The following TBC1D4 variants were observed in gnomAD, a reference collection of about 807,000 sequenced individuals.
The protein encoded by TBC1D4 is TBC1 domain family member 4, also known as TBC (Tre-2, BUB2, CDC16) domain-containing protein.
In TBC1D4, 121 loss-of-function variants were observed where a neutral mutation model predicts 142.5. The observed-to-expected ratio is 0.85, with a 90% CI of 0.73 to 0.99. The LOEUF (loss-of-function observed/expected upper bound fraction) is 0.99, where lower values mean the gene tolerates loss of function less well. Among genes scored for constraint, TBC1D4 ranks in the 50% least tolerant of loss-of-function variants. The pLI, the probability that TBC1D4 is intolerant of heterozygous loss-of-function variation, is 0.00. For synonymous variants in TBC1D4, 630 were observed against 628.2 expected (o/e 1.00, Z -0.04); for missense variants, 1,475 against 1,606.6 (o/e 0.92, Z 1.40).
chr13:75,394,879 A>G (rs1026562387), intron 1 of TBC1D4, among the ~76,000 whole-genome samples: 1 of 152,242 alleles, frequency 6.6e-6, no homozygotes, highest in African/African-American at 2.4e-5. Flanking sequence ...TCATTCAACA[A>G]ACATTTATTG....
chr13:75,361,262 C>T (rs1189925429), intron 2 of TBC1D4, among the ~76,000 whole-genome samples: 2 of 152,098 alleles, frequency 1.3e-5, no homozygotes. Flanking sequence ...GGTGTGTCCT[C>T]GACTCAAAAT....
intron 1 of TBC1D4, among the ~76,000 whole-genome samples, chr13:75,414,369 T>C (rs1885821847): frequency 1.3e-5 from 2 of 152,198 alleles, no homozygotes; most frequent in Admixed American, 1.3e-4. Context: ...GTGAACTGCC[T>C]ACAAAGTCAG....
intron 8 of TBC1D4, among the ~76,000 whole-genome samples, chr13:75,333,318 G>A (rs1879913315): frequency 6.6e-6 from 1 of 152,146 alleles, no homozygotes; most frequent in South Asian, 2.1e-4. Context: ...CCTTATTGAT[G>A]ACTGTACAAT....
chr13:75,321,128 T>A (rs535806984), intron 11 of TBC1D4, among the ~76,000 whole-genome samples: 56 of 152,182 alleles, frequency 3.7e-4, no homozygotes, highest in African/African-American at 1.2e-3. Context: ...AGATTCATTT[T>A]ATGCAACTAA....
At chr13:75,368,959 G>T (rs1044109038) in intron 1 of TBC1D4, among the ~76,000 whole-genome samples, 2 of 152,100 alleles carry the variant, frequency 1.3e-5, no homozygotes, top group African/African-American at 4.8e-5. Context: ...CAGGAGAACC[G>T]CTTGAGCCTG....
intron 7 of TBC1D4, among the ~76,000 whole-genome samples, chr13:75,337,926 T>G (rs1880362198): frequency 6.6e-6 from 1 of 152,126 alleles, no homozygotes; most frequent in Non-Finnish European, 1.5e-5. Flanking sequence ...TGGCAAAAAC[T>G]GCAATTACTT....
At chr13:75,418,800 G>GT (rs1886034363) in intron 1 of TBC1D4, among the ~76,000 whole-genome samples, 1 of 152,134 alleles carries the variant, frequency 6.6e-6, no homozygotes, top group South Asian at 2.1e-4. Context: ...CAAGTGCTAT[G>GT]TTTGAATTAC....
intron 14 of TBC1D4, among the ~76,000 whole-genome samples, chr13:75,307,128 T>C (rs1877264418): frequency 6.6e-6 from 1 of 152,078 alleles, no homozygotes; most frequent in Admixed American, 6.6e-5. Flanking sequence ...CTTGGCTAAT[T>C]TGACAAACTT....
chr13:75,394,383 G>A (rs1884665640), intron 1 of TBC1D4, among the ~76,000 whole-genome samples: 1 of 152,114 alleles, frequency 6.6e-6, no homozygotes, highest in Non-Finnish European at 1.5e-5. Flanking sequence ...CATAACCGTT[G>A]TGAAGTCTAA....
rs1380532393 is a variant in TBC1D4, at chr13:75,326,356, G to A, written c.1874C>T (p.Thr625Met). 2.3e-5 allele frequency: 37 copies of A among 1,614,006 alleles called. 1 individual carries two copies. Among genetic ancestry groups the A allele is most frequent in the Non-Finnish European group, 2.9e-5 (34 of 1,180,032 alleles). Residue 625 changes from threonine (T) to methionine (M), a missense_variant, in exon 10 of 21, where the codon ACG (threonine) becomes ATG (methionine). By Grantham distance (81) the Thr-to-Met change is moderately conservative. Coordinates refer to ENST00000377636, the MANE Select transcript of TBC1D4 (RefSeq NM_014832.5). ...PASPPSSAWQ[T>M]FPEEDSDSPQ... The stretch of plus-strand genomic sequence containing the variant: ...GGAGTCGGAATCCTCTTCGGGAAAC[G>A]TTTGCCAAGCTGAGGACGGTGGGGA...
chr13:75,315,094 G>A (rs1005812727), intron 12 of TBC1D4, among the ~76,000 whole-genome samples: 11 of 151,880 alleles, frequency 7.2e-5, no homozygotes, highest in Admixed American at 3.3e-4. Flanking sequence ...ATCACTTGAG[G>A]TCAAGAGTTT....
At chr13:75,421,217 A>G (rs1886153412) in intron 1 of TBC1D4, among the ~76,000 whole-genome samples, 1 of 152,216 alleles carries the variant, frequency 6.6e-6, no homozygotes, top group African/African-American at 2.4e-5. Context: ...ATGATGCCTC[A>G]GAACAGTGAC....
chr13:75,347,220 T>G (rs991753184), intron 5 of TBC1D4, among the ~76,000 whole-genome samples: 1 of 152,214 alleles, frequency 6.6e-6, no homozygotes, highest in African/African-American at 2.4e-5. Flanking sequence ...TATTGTTGTT[T>G]CCATTTTCAT....
At chr13:75,445,940 AT>A (rs1215077105) in intron 1 of TBC1D4, among the ~76,000 whole-genome samples, 1 of 152,152 alleles carries the variant, frequency 6.6e-6, no homozygotes, top group Admixed American at 6.6e-5. Context: ...GTTTTATTTG[AT>A]TTATGTGCTG....
chr13:75,427,747 A>G (rs904619971), intron 1 of TBC1D4, among the ~76,000 whole-genome samples: 2 of 152,222 alleles, frequency 1.3e-5, no homozygotes, highest in Non-Finnish European at 2.9e-5. Flanking sequence ...TCCCTGGGTC[A>G]CTGATCTTTG....
chr13:75,304,966 G>A (rs961822339), intron 15 of TBC1D4, among the ~76,000 whole-genome samples: 1 of 152,192 alleles, frequency 6.6e-6, no homozygotes, highest in Non-Finnish European at 1.5e-5. Flanking sequence ...TGGTTTGGCT[G>A]TGTCCCCACC....
At chr13:75,361,871 C>T (rs1387311905) in intron 2 of TBC1D4, among the ~76,000 whole-genome samples, 155 bp downstream of exon 2, 1 of 152,138 alleles carries the variant, frequency 6.6e-6, no homozygotes, top group Non-Finnish European at 1.5e-5. Context: ...TTCCTCTGCA[C>T]TCTTCCTCCA....
rs367960936 is a variant in TBC1D4, at chr13:75,399,350, A to G, written c.499-36743T>C. On this transcript the variant is annotated intron_variant, in intron 1 of 20. Coordinates refer to ENST00000377636, the MANE Select transcript of TBC1D4 (RefSeq NM_014832.5). ...GAATTGGCTGAATTTCAGAACTGCT[A>G]TGGACCAGTACCTGTTCTACAGTAC... Among the ~76,000 whole-genome samples the G allele has an allele frequency of 2.9e-4, 44 of 152,316 alleles. No homozygotes were observed. The East Asian group carries it at 4.4e-3, about 15-fold the overall frequency.
chr13:75,480,877 G>GCACGCACACACACACA (rs1555327312), intron 1 of TBC1D4, among the ~76,000 whole-genome samples: 10 of 124,196 alleles, frequency 8.1e-5, no homozygotes, highest in African/African-American at 2.5e-4. Flanking sequence ...GCACACGCAC[G>GCACGCACACACACACA]CACACACACA....
Sources: allele counts gnomAD v4.1 joint callset (sites outside exome capture counted in the v4.1 genomes callset), GRCh38; gene constraint gnomAD v4.1.1; transcripts MANE v1.5; gene names NCBI Gene and HGNC (gene_info 2026-07-23, HGNC 2026-07-21).